The following TMEM232 variants were observed in gnomAD, a reference collection of about 807,000 sequenced individuals.
The protein encoded by TMEM232 is transmembrane protein 232.
TMEM232 carries 80 observed loss-of-function variants against 78.8 expected under a neutral mutation model. That is an observed-to-expected ratio of 1.01 (90% CI 0.85 to 1.22). The LOEUF is 1.22. Ranked by LOEUF, TMEM232 falls within the 50% of genes most tolerant of loss-of-function variation. TMEM232 has a pLI of 0.00. For synonymous variants in TMEM232, 297 were observed against 254.3 expected (o/e 1.17, Z -1.60); for missense variants, 881 against 742.2 (o/e 1.19, Z -2.17).
At chr5:110,482,534 T>C (rs1389881779) in intron 12 of TMEM232, among the ~76,000 whole-genome samples, 3 of 151,384 alleles carry the variant, frequency 2.0e-5, no homozygotes, top group African/African-American at 7.3e-5. Flanking sequence ...TGAGCCGAGA[T>C]TGCGGCACTG....
chr5:110,494,376 T>C (rs1487211076), intron 12 of TMEM232, among the ~76,000 whole-genome samples: 4 of 152,008 alleles, frequency 2.6e-5, no homozygotes, highest in African/African-American at 7.2e-5. Flanking sequence ...ATGAAACCCA[T>C]TAAAAAATCA....
At chr5:110,626,543 T>G (rs560216943) in intron 6 of TMEM232, among the ~76,000 whole-genome samples, 15 of 152,024 alleles carry the variant, frequency 9.9e-5, no homozygotes, top group Admixed American at 7.9e-4. Flanking sequence ...AGCCTCTCCT[T>G]CCCTTATCCT....
intron 2 of TMEM232, among the ~76,000 whole-genome samples, chr5:110,658,608 A>T (rs1358756422): frequency 1.3e-5 from 2 of 152,182 alleles, no homozygotes; most frequent in African/African-American, 4.8e-5. Flanking sequence ...GAAACATTCT[A>T]TACTACATTT....
chr5:110,687,882 T>C (rs1793623640), intron 1 of TMEM232, among the ~76,000 whole-genome samples: 1 of 152,110 alleles, frequency 6.6e-6, no homozygotes, highest in Non-Finnish European at 1.5e-5. Context: ...ATTTGGAAAT[T>C]TGCAGAGTAG....
chr5:110,667,457 G>T, intron 1 of TMEM232, 93 bp from the exon 2 acceptor site: 2 of 994,596 alleles, frequency 2.0e-6, no homozygotes, highest in Non-Finnish European at 2.8e-6. Context: ...GAAAAGAATA[G>T]CAAGAACTAA....
intron 1 of TMEM232, among the ~76,000 whole-genome samples, chr5:110,679,704 G>A (rs1477415180): frequency 6.6e-6 from 1 of 151,330 alleles, no homozygotes; most frequent in Non-Finnish European, 1.5e-5. Flanking sequence ...AAAAAGTTAT[G>A]AGCATAATAT....
intron 7 of TMEM232, among the ~76,000 whole-genome samples, chr5:110,624,826 C>G (rs73226225): frequency 0.028 from 4,198 of 152,108 alleles, 194 homozygotes; most frequent in African/African-American, 0.096. Context: ...AAAACAGACT[C>G]TTCCTCAAAT....
In TMEM232 at chr5:110,533,531, C is replaced by G. The variant is rs140326253; in HGVS notation, c.1456-4696G>C. 5.0e-3 allele frequency among the ~76,000 whole-genome samples: 767 copies of G among 152,314 alleles called. 7 individuals carry two copies. Among genetic ancestry groups the G allele is most frequent in the African/African-American group, 0.018 (748 of 41,574 alleles). On this transcript the variant is annotated intron_variant, in intron 11 of 13. Coordinates refer to ENST00000455884, the MANE Select transcript of TMEM232 (RefSeq NM_001039763.4). ...TTTTAGAGGCCCTAAAAATCACAAA[C>G]TATGCTCAACTCACTCTACATTTCT...
intron 11 of TMEM232, among the ~76,000 whole-genome samples, chr5:110,546,203 T>A (rs748197159): frequency 2.6e-5 from 4 of 151,976 alleles, no homozygotes; most frequent in Admixed American, 2.6e-4. Context: ...AATGTTATCA[T>A]GGATAAAAAA....
chr5:110,603,855 T>C (rs541368133), intron 10 of TMEM232, among the ~76,000 whole-genome samples: 1 of 152,128 alleles, frequency 6.6e-6, no homozygotes, highest in Admixed American at 6.6e-5. Flanking sequence ...AATTTAAAAA[T>C]AGTGAGCAAG....
chr5:110,721,655 ATGTG>A (rs796424096), intron 1 of TMEM232, among the ~76,000 whole-genome samples: 38 of 98,748 alleles, frequency 3.8e-4, no homozygotes, highest in African/African-American at 1.2e-3. Flanking sequence ...TCTGCATATC[ATGTG>A]TGTGTGTGTG....
chr5:110,553,922 G>A lies in TMEM232; in HGVS notation c.1455+14525C>T, dbSNP rs13362170. 3.9e-3 allele frequency among the ~76,000 whole-genome samples: 589 copies of A among 152,278 alleles called. 2 individuals carry two copies. The highest frequency in any genetic ancestry group is 0.013 in the African/African-American group (547 of 41,574). On this transcript the variant is annotated intron_variant, in intron 11 of 13. Coordinates refer to ENST00000455884, the MANE Select transcript of TMEM232 (RefSeq NM_001039763.4). ...GTTTGTTGAGGGTTCCTAACATGAAGAGATGTTGAATTTTATTGAATGTCT... is the reference window on the plus strand; with the variant it reads ...GTTTGTTGAGGGTTCCTAACATGAAAAGATGTTGAATTTTATTGAATGTCT...
At chr5:110,424,758 T>G (rs879409388) in intron 13 of TMEM232, 65 bp downstream of exon 13, 358 of 1,272,940 alleles carry the variant, frequency 2.8e-4, no homozygotes, top group Non-Finnish European at 3.8e-4. Flanking sequence ...GAACTACATT[T>G]TATCATTTAA....
At chr5:110,429,282 T>C (rs536536870) in intron 12 of TMEM232, among the ~76,000 whole-genome samples, 2 of 151,902 alleles carry the variant, frequency 1.3e-5, no homozygotes, top group African/African-American at 4.8e-5. Flanking sequence ...TTATGCAAGA[T>C]TGTCCCAATA....
chr5:110,450,552 T>G (rs1239436028), intron 12 of TMEM232, among the ~76,000 whole-genome samples: 1 of 152,172 alleles, frequency 6.6e-6, no homozygotes, highest in East Asian at 1.9e-4. Flanking sequence ...TGTTGCAGGT[T>G]TAGCACGAAT....
intron 2 of TMEM232, among the ~76,000 whole-genome samples, chr5:110,654,619 T>C (rs1235909135): frequency 5.9e-5 from 9 of 152,216 alleles, no homozygotes; most frequent in African/African-American, 1.9e-4. Context: ...TAGGATTGAC[T>C]TGGTGATGTG....
intron 10 of TMEM232, among the ~76,000 whole-genome samples, chr5:110,601,728 A>T (rs1258554466): frequency 1.3e-5 from 2 of 152,196 alleles, no homozygotes; most frequent in East Asian, 3.8e-4. Flanking sequence ...GCCCAAATTA[A>T]TTTATAGATT....
At chr5:110,469,351 G>T (rs1181523800) in intron 12 of TMEM232, among the ~76,000 whole-genome samples, 1 of 152,178 alleles carries the variant, frequency 6.6e-6, no homozygotes, top group East Asian at 1.9e-4. Context: ...TCTGAGCTGG[G>T]CTGTGAACTG....
intron 2 of TMEM232, chr5:110,667,016 T>A (rs1369536271): frequency 9.7e-6 from 4 of 414,152 alleles, no homozygotes; most frequent in Non-Finnish European, 1.7e-5. Context: ...TAAGAAAACA[T>A]ATGAGTATAG....
Sources: allele counts gnomAD v4.1 joint callset (sites outside exome capture counted in the v4.1 genomes callset), GRCh38; gene constraint gnomAD v4.1.1; transcripts MANE v1.5; gene names NCBI Gene and HGNC (gene_info 2026-07-23, HGNC 2026-07-21).